Variants in SYTL2 observed in about 807,000 individuals in gnomAD.
SYTL2 encodes the protein synaptotagmin-like protein 2.
SYTL2 carries 165 observed loss-of-function variants against 198.7 expected under a neutral mutation model. The observed-to-expected ratio is 0.83, with a 90% CI of 0.73 to 0.94. The LOEUF (loss-of-function observed/expected upper bound fraction) is 0.94, where lower values mean the gene tolerates loss of function less well. Ranked by LOEUF, SYTL2 falls within the 40% of genes least tolerant of loss-of-function variation. The pLI is 0.00. For missense variants in SYTL2, 2,835 were observed against 2,582.8 expected (o/e 1.10, Z -2.12); for synonymous variants, 966 against 917.7 (o/e 1.05, Z -0.95).
At chr11:85,717,244 C>CAT (rs138630024) in intron 11 of SYTL2, 3,354 of 264,476 alleles carry the variant, frequency 0.013, 23 homozygotes, top group Middle Eastern at 0.045. Flanking sequence ...TCAGCAATAA[C>CAT]ATATATATAT....
intron 4 of SYTL2, among the ~76,000 whole-genome samples, chr11:85,743,732 G>C (rs1428481065): frequency 6.6e-6 from 1 of 152,126 alleles, no homozygotes; most frequent in East Asian, 1.9e-4. Flanking sequence ...GAAAAAGTTA[G>C]GCTATGAGGA....
At chr11:85,788,413 C>T (rs1161266366) in intron 1 of SYTL2, among the ~76,000 whole-genome samples, 1 of 152,120 alleles carries the variant, frequency 6.6e-6, no homozygotes, top group Non-Finnish European at 1.5e-5. Context: ...GAGTTAGTGT[C>T]AGATCCCAAA....
chr11:85,716,041 C>CA (rs1475624946), intron 11 of SYTL2, among the ~76,000 whole-genome samples: 1 of 151,870 alleles, frequency 6.6e-6, no homozygotes, highest in Non-Finnish European at 1.5e-5. Context: ...GAAAATATCA[C>CA]AAAAAAGGGA....
intron 1 of SYTL2, among the ~76,000 whole-genome samples, chr11:85,807,164 G>C (rs2092969541): frequency 6.6e-6 from 1 of 152,204 alleles, no homozygotes; most frequent in Non-Finnish European, 1.5e-5. Flanking sequence ...CAATTCCCTT[G>C]AGTGGCAAGC....
At chr11:85,712,337 C>T (rs1462872196) in intron 12 of SYTL2, among the ~76,000 whole-genome samples, 2 of 152,160 alleles carry the variant, frequency 1.3e-5, no homozygotes, top group Non-Finnish European at 2.9e-5. Flanking sequence ...TCTATTTTAG[C>T]GCCTACTGCA....
chr11:85,801,621 G>A (rs2092888205), intron 1 of SYTL2, among the ~76,000 whole-genome samples: 1 of 152,164 alleles, frequency 6.6e-6, no homozygotes, highest in Non-Finnish European at 1.5e-5. Context: ...ACTGTGAGCA[G>A]TGTTATTATC....
chr11:85,812,742 C>T (rs1210566823), upstream of SYTL2, among the ~76,000 whole-genome samples: 1 of 152,072 alleles, frequency 6.6e-6, no homozygotes, highest in African/African-American at 2.4e-5. Flanking sequence ...GGATTTGGGA[C>T]AATGAGGCAG....
At chr11:85,756,193 G>A (rs1361351779) in intron 2 of SYTL2, among the ~76,000 whole-genome samples, 1 of 152,172 alleles carries the variant, frequency 6.6e-6, no homozygotes, top group Admixed American at 6.5e-5. Context: ...GCTACCAAGA[G>A]GCTCTAATGC....
At chr11:85,708,100 T>C (rs1458824432) in intron 14 of SYTL2, 2 of 426,174 alleles carry the variant, frequency 4.7e-6, no homozygotes, top group South Asian at 3.4e-5. Flanking sequence ...GAGGCGAAGG[T>C]TGCTGTGAGC....
intron 9 of SYTL2, chr11:85,719,488 G>A: frequency 4.6e-6 from 1 of 218,554 alleles, no homozygotes; most frequent in Non-Finnish European, 7.8e-6. Flanking sequence ...TTTGCTAAAT[G>A]GGCCAATTGT....
intron 1 of SYTL2, among the ~76,000 whole-genome samples, chr11:85,779,985 T>C (rs536176943): frequency 1.3e-5 from 2 of 152,294 alleles, no homozygotes; most frequent in African/African-American, 4.8e-5. Context: ...GAAGCTTCTA[T>C]CTCCTCATCT....
At chr11:85,799,855 C>T (rs1439494210) in intron 1 of SYTL2, among the ~76,000 whole-genome samples, 4 of 152,188 alleles carry the variant, frequency 2.6e-5, no homozygotes, top group Non-Finnish European at 5.9e-5. Context: ...CAATTTGGCA[C>T]ACAAACATAG....
intron 15 of SYTL2, chr11:85,705,338 A>T (rs1035354819): frequency 3.4e-5 from 7 of 203,116 alleles, no homozygotes; most frequent in Non-Finnish European, 6.9e-5. Flanking sequence ...TTTAGACTAG[A>T]TGTAATACAA....
the SYTL2 span, among the ~76,000 whole-genome samples, chr11:85,849,144 AT>A: frequency 6.6e-6 from 1 of 152,036 alleles, no homozygotes; most frequent in Non-Finnish European, 1.5e-5. Context: ...TTAAGAGAAT[AT>A]TTTCTTGTAA....
At chr11:85,782,897 G>C (rs1456400865) in intron 1 of SYTL2, among the ~76,000 whole-genome samples, 1 of 152,168 alleles carries the variant, frequency 6.6e-6, no homozygotes, top group Admixed American at 6.5e-5. Flanking sequence ...ATCAATATCA[G>C]CATTTTGGTC....
intron 1 of SYTL2, among the ~76,000 whole-genome samples, chr11:85,768,809 T>C (rs1188803977): frequency 6.6e-6 from 1 of 152,150 alleles, no homozygotes; most frequent in South Asian, 2.1e-4. Context: ...TGAAAGGATC[T>C]CATTCTTCAA....
chr11:85,709,088 T>C (rs996831332), intron 14 of SYTL2, among the ~76,000 whole-genome samples: 3 of 152,106 alleles, frequency 2.0e-5, no homozygotes, highest in African/African-American at 7.2e-5. Flanking sequence ...TCCGCCCGCC[T>C]CGGCCTCCCA....
In SYTL2 at chr11:85,748,367, C is replaced by T. The variant is rs918652318; in HGVS notation, c.158G>A (p.Trp53Ter). ...DQQLKNMSGQ[W>*]FYEAKAKRHR... ...CCTTTTTGCCTTGGCTTCATAAAAC[C>T]ATTGGCCACTCATATTCTTCAGCTG... The change falls in exon 3 of 20, where the codon TGG becomes TAG. Residue 53 changes from tryptophan to a stop codon, truncating the protein, a stop_gained. Transcript: ENST00000359152. LOFTEE classifies it high-confidence loss of function. 15 of 1,613,940 alleles carry T rather than the reference C, an allele frequency of 9.3e-6. No individual in the cohort carries two copies. Among genetic ancestry groups the T allele is most frequent in the Non-Finnish European group, 1.3e-5 (15 of 1,179,954 alleles).
chr11:85,759,279 A>G (rs954829956), intron 1 of SYTL2, among the ~76,000 whole-genome samples: 1 of 151,866 alleles, frequency 6.6e-6, no homozygotes, highest in African/African-American at 2.4e-5. Flanking sequence ...AAAAAATTTT[A>G]AAGCAGCCCC....
Sources: allele counts gnomAD v4.1 joint callset (sites outside exome capture counted in the v4.1 genomes callset), GRCh38; gene constraint gnomAD v4.1.1; transcripts MANE v1.5; gene names NCBI Gene and HGNC (gene_info 2026-07-23, HGNC 2026-07-21).